Variants in ZFHX4 observed in about 807,000 individuals in gnomAD.
ZFHX4 encodes zinc finger homeobox protein 4.
ZFHX4 carries 56 observed loss-of-function variants against 267.6 expected under a neutral mutation model. That is an observed-to-expected ratio of 0.21 (90% CI 0.17 to 0.26). The LOEUF is 0.26. Among genes scored for constraint, ZFHX4 ranks in the 10% least tolerant of loss-of-function variants. The pLI, the probability that ZFHX4 is intolerant of heterozygous loss-of-function variation, is 1.00. For synonymous variants in ZFHX4, 1,778 were observed against 1,665.6 expected (o/e 1.07, Z -1.64); for missense variants, 4,332 against 4,420.0 (o/e 0.98, Z 0.56).
At chr8:76,860,032 A>G (rs1420248312) in intron 10 of ZFHX4, among the ~76,000 whole-genome samples, 1 of 152,104 alleles carries the variant, frequency 6.6e-6, no homozygotes, top group Non-Finnish European at 1.5e-5. Context: ...AAGAATGTAT[A>G]TTTAACAGTA....
At chr8:76,717,244 T>C (rs1648129849) in intron 3 of ZFHX4, among the ~76,000 whole-genome samples, 1 of 152,220 alleles carries the variant, frequency 6.6e-6, no homozygotes, top group African/African-American at 2.4e-5. Flanking sequence ...TCCATTTTAG[T>C]TACAAGACTC....
chr8:76,861,006 A>G (rs1812851861), intron 10 of ZFHX4, among the ~76,000 whole-genome samples: 1 of 152,126 alleles, frequency 6.6e-6, no homozygotes, highest in Non-Finnish European at 1.5e-5. Flanking sequence ...CATATCTATT[A>G]CTTCACAGTT....
At chr8:76,750,013 T>C (rs1487779638) in intron 3 of ZFHX4, among the ~76,000 whole-genome samples, 1 of 152,170 alleles carries the variant, frequency 6.6e-6, no homozygotes, top group African/African-American at 2.4e-5. Flanking sequence ...AAACTGATAA[T>C]GTGAGATTTT....
intron 3 of ZFHX4, among the ~76,000 whole-genome samples, chr8:76,758,504 GTTTT>G (rs1364238711): frequency 6.6e-6 from 1 of 151,470 alleles, no homozygotes; most frequent in Non-Finnish European, 1.5e-5. Flanking sequence ...TTGTTTGTTT[GTTTT>G]TTTTGAGACA....
intron 5 of ZFHX4, among the ~76,000 whole-genome samples, chr8:76,834,933 G>A (rs570169669): frequency 4.8e-4 from 72 of 150,746 alleles, no homozygotes; most frequent in African/African-American, 1.7e-3. Context: ...AGGATATAAG[G>A]TTTGTGTCTG....
intron 3 of ZFHX4, among the ~76,000 whole-genome samples, chr8:76,759,433 A>G (rs1422441298): frequency 2.6e-5 from 4 of 152,238 alleles, no homozygotes; most frequent in African/African-American, 9.6e-5. Context: ...CATCAATAGC[A>G]TAGTGATCTA....
intron 3 of ZFHX4, among the ~76,000 whole-genome samples, chr8:76,745,646 G>A (rs896014194): frequency 6.6e-6 from 1 of 152,038 alleles, no homozygotes; most frequent in Non-Finnish European, 1.5e-5. Flanking sequence ...GTGCATTTGA[G>A]AGTCTGTAGC....
chr8:76,730,820 C>T (rs1281252958), intron 3 of ZFHX4, among the ~76,000 whole-genome samples: 1 of 152,140 alleles, frequency 6.6e-6, no homozygotes, highest in Non-Finnish European at 1.5e-5. Flanking sequence ...ACTAATAAGA[C>T]ATCTATAAAG....
At chr8:76,849,978 G>A (rs1812468241) in intron 8 of ZFHX4, 2 of 571,090 alleles carry the variant, frequency 3.5e-6, no homozygotes, top group Non-Finnish European at 6.2e-6. Flanking sequence ...AACCCCAGTG[G>A]GCACCTTGCA....
intron 3 of ZFHX4, 130 bp from the exon 4 acceptor site, chr8:76,778,078 C>T (rs1201746289): frequency 4.6e-6 from 3 of 651,044 alleles, no homozygotes; most frequent in Non-Finnish European, 8.4e-6. Context: ...GGCTGGGCTG[C>T]GTCTTATAAG....
At chr8:76,721,244 T>C (rs1808714141) in intron 3 of ZFHX4, among the ~76,000 whole-genome samples, 1 of 152,218 alleles carries the variant, frequency 6.6e-6, no homozygotes, top group African/African-American at 2.4e-5. Context: ...TGAATGTGAA[T>C]CATTTATTTG....
At chr8:76,685,453 C>T (rs976955968) in intron 1 of ZFHX4, among the ~76,000 whole-genome samples, 4 of 152,108 alleles carry the variant, frequency 2.6e-5, no homozygotes, top group Non-Finnish European at 5.9e-5. Flanking sequence ...AGACTAAAGA[C>T]ATCCTAAAGA....
At chr8:76,794,968 A>G (rs1312294114) in intron 4 of ZFHX4, among the ~76,000 whole-genome samples, 2 of 151,660 alleles carry the variant, frequency 1.3e-5, no homozygotes, top group African/African-American at 2.4e-5. Context: ...TTCACAATCA[A>G]GTTGTCTCTG....
At chr8:76,760,416 C>G (rs1244578921) in intron 3 of ZFHX4, among the ~76,000 whole-genome samples, 41 of 152,132 alleles carry the variant, frequency 2.7e-4, no homozygotes, top group Admixed American at 2.7e-3. Context: ...CAGGGTCGAA[C>G]AGACAGACTT....
intron 3 of ZFHX4, among the ~76,000 whole-genome samples, chr8:76,770,210 C>G (rs1446503138): frequency 6.6e-6 from 1 of 152,180 alleles, no homozygotes; most frequent in Admixed American, 6.6e-5. Context: ...CCACAGGCAT[C>G]TCAAATTCAG....
rs1162103189 is a variant in ZFHX4 at position 76,853,584 on chromosome 8, T to C, written c.6663T>C (p.Asp2221=). The part of the protein sequence containing the change: ...QPTSLEHYKS[D]ASFSKRSSRT... Reference sequence around the variant, plus strand: ...CCTCTTTAGAACATTACAAATCTGATGCATCATTCAGTAAAAGGTCTTCTA... The same window carrying C: ...CCTCTTTAGAACATTACAAATCTGACGCATCATTCAGTAAAAGGTCTTCTA... Residue 2221 remains aspartate (D), a synonymous_variant, in exon 10 of 11, where the codon GAT becomes GAC. Coordinates refer to ENST00000651372, the MANE Select transcript of ZFHX4 (RefSeq NM_024721.5). 1.2e-6 allele frequency: 2 copies of C among 1,613,766 alleles called. No homozygotes were observed. The highest frequency in any genetic ancestry group is 2.7e-5 in the African/African-American group (2 of 74,914).
intron 4 of ZFHX4, among the ~76,000 whole-genome samples, chr8:76,802,325 C>G (rs1489159156): frequency 6.6e-6 from 1 of 152,110 alleles, no homozygotes; most frequent in Non-Finnish European, 1.5e-5. Flanking sequence ...ATAAAGAGAG[C>G]AATTTTAGTT....
chr8:76,756,597 T>G (rs1809769651), intron 3 of ZFHX4, among the ~76,000 whole-genome samples: 1 of 152,096 alleles, frequency 6.6e-6, no homozygotes, highest in Non-Finnish European at 1.5e-5. Context: ...CTATTACCAT[T>G]TTTTTTCAAA....
At chr8:76,811,119 G>A (rs576384379) in intron 4 of ZFHX4, among the ~76,000 whole-genome samples, 3 of 152,142 alleles carry the variant, frequency 2.0e-5, no homozygotes, top group South Asian at 2.1e-4. Context: ...CTCATCTCAC[G>A]GCTAAGGACT....
Sources: allele counts gnomAD v4.1 joint callset (sites outside exome capture counted in the v4.1 genomes callset), GRCh38; gene constraint gnomAD v4.1.1; transcripts MANE v1.5; gene names NCBI Gene and HGNC (gene_info 2026-07-23, HGNC 2026-07-21).